Variants in IGF2BP3 observed in about 807,000 individuals in gnomAD.
IGF2BP3 encodes the protein insulin like growth factor 2 mRNA binding protein 3, also known as insulin-like growth factor 2 mRNA-binding protein 3.
In IGF2BP3, 9 loss-of-function variants were observed where a neutral mutation model predicts 73.8. The ratio of observed to expected loss-of-function variants is 0.12; its 90% confidence interval spans 0.07 to 0.21. IGF2BP3 has a LOEUF of 0.21. Ranked by LOEUF, IGF2BP3 falls within the 10% of genes least tolerant of loss-of-function variation. IGF2BP3 has a pLI of 1.00. For synonymous variants in IGF2BP3, 258 were observed against 256.7 expected (o/e 1.01, Z -0.05); for missense variants, 542 against 714.0 (o/e 0.76, Z 2.75).
intron 12 of IGF2BP3, among the ~76,000 whole-genome samples, chr7:23,315,414 C>G (rs531803027): frequency 1.2e-4 from 19 of 152,214 alleles, no homozygotes; most frequent in Admixed American, 5.2e-4. Context: ...GGCCAAGACA[C>G]TTCTGATATT....
At chr7:23,354,286 C>G (rs1388845260) in intron 5 of IGF2BP3, among the ~76,000 whole-genome samples, 1 of 152,222 alleles carries the variant, frequency 6.6e-6, no homozygotes, top group South Asian at 2.1e-4. Flanking sequence ...AGCCACCACA[C>G]CTGACCTTAA....
chr7:23,382,014 G>C (rs1785926457), intron 3 of IGF2BP3, among the ~76,000 whole-genome samples: 1 of 152,192 alleles, frequency 6.6e-6, no homozygotes. Flanking sequence ...CCAGCACCTT[G>C]GGAGGCTGAG....
chr7:23,338,854 T>G (rs1425303111), intron 10 of IGF2BP3, among the ~76,000 whole-genome samples: 2 of 152,232 alleles, frequency 1.3e-5, no homozygotes, highest in Non-Finnish European at 2.9e-5. Context: ...AACAGTAATA[T>G]ATGATTTAGG....
At chr7:23,365,430 A>G (rs1216962033) in intron 3 of IGF2BP3, among the ~76,000 whole-genome samples, 1 of 152,232 alleles carries the variant, frequency 6.6e-6, no homozygotes, top group African/African-American at 2.4e-5. Context: ...AACACCTGTG[A>G]TCTATAAACA....
intron 3 of IGF2BP3, among the ~76,000 whole-genome samples, chr7:23,418,519 G>A (rs1189659915): frequency 6.6e-6 from 1 of 152,160 alleles, no homozygotes; most frequent in Admixed American, 6.5e-5. Flanking sequence ...ATCCTGTTGG[G>A]AAGTGACTGA....
rs1045745937 is a variant in IGF2BP3, at chr7:23,415,532, G to A, written c.285+3244C>T. 21 of 265,522 alleles carry A rather than the reference G, an allele frequency of 7.9e-5. No homozygotes were observed. The East Asian group carries it at 3.0e-3, about 38-fold the overall frequency. 16.4% of individuals were successfully genotyped at this position (265,522 alleles called of 1,614,324 possible). On this transcript the variant is annotated intron_variant, in intron 3 of 14. Transcript: ENST00000258729. ...ATCACTGCATCCGCAGGTCCCGTCC[G>A]TCAGTCGGCATCACCGCATCCGCAG...
At chr7:23,324,414 T>C (rs1246156689) in intron 10 of IGF2BP3, among the ~76,000 whole-genome samples, 1 of 150,212 alleles carries the variant, frequency 6.7e-6, no homozygotes, top group East Asian at 1.9e-4. Context: ...GGAGCTGAAA[T>C]TGTGGCAATA....
chr7:23,468,567 G>T (rs534967263), intron 1 of IGF2BP3, 25 bp from the exon 2 acceptor site: 2 of 1,612,888 alleles, frequency 1.2e-6, no homozygotes, highest in Non-Finnish European at 1.7e-6. Flanking sequence ...GAAGTGAGAC[G>T]GTCGGCCGAG....
intron 6 of IGF2BP3, among the ~76,000 whole-genome samples, chr7:23,349,944 G>A (rs1784919981): frequency 6.6e-6 from 1 of 152,142 alleles, no homozygotes; most frequent in South Asian, 2.1e-4. Flanking sequence ...TTAAAGCCAG[G>A]CCGACTGACT....
At chr7:23,367,070 C>A (rs575377242) in intron 3 of IGF2BP3, among the ~76,000 whole-genome samples, 35 of 151,672 alleles carry the variant, frequency 2.3e-4, no homozygotes, top group Non-Finnish European at 4.7e-4. Flanking sequence ...CCTCCGCCTC[C>A]CAGGCTCAAG....
chr7:23,443,325 A>T (rs1010799717), intron 2 of IGF2BP3, among the ~76,000 whole-genome samples: 11 of 151,900 alleles, frequency 7.2e-5, no homozygotes, highest in Admixed American at 5.9e-4. Flanking sequence ...GGGTTTCTTC[A>T]TGTTGATCAG....
chr7:23,393,058 C>T (rs915556030), intron 3 of IGF2BP3, among the ~76,000 whole-genome samples: 9 of 152,162 alleles, frequency 5.9e-5, no homozygotes, highest in Admixed American at 5.9e-4. Flanking sequence ...GGACACTCAG[C>T]AAGTCTCATT....
In IGF2BP3 at chr7:23,410,613, T is replaced by C. The variant is rs529713045; in HGVS notation, c.285+8163A>G. 2.0e-5 allele frequency among the ~76,000 whole-genome samples: 3 copies of C among 152,302 alleles called. No homozygotes were observed. The South Asian group carries it at 6.2e-4, about 32-fold the overall frequency. On this transcript the variant is annotated intron_variant, in intron 3 of 14. Coordinates refer to ENST00000258729, the MANE Select transcript of IGF2BP3 (RefSeq NM_006547.3). ...AGTCTGGCCCATCCCAGAGCAGCCA[T>C]GCATGAAGAACTCTATGTCTACAGT...
Position 23,312,284 on chromosome 7 carries a change from G to C in IGF2BP3, c.*78C>G, listed in dbSNP as rs1783853473. On this transcript the variant is annotated 3_prime_UTR_variant, in exon 15 of 15. Transcript: ENST00000258729. ...CTTGTGCATGTGATTCTGGATAGGG[G>C]GTCAGCGCCCATCTGTTGGTTAAGC... 8 of 1,047,838 alleles carry C rather than the reference G, an allele frequency of 7.6e-6. No individual in the cohort carries two copies. Among genetic ancestry groups the C allele is most frequent in the Non-Finnish European group, 1.2e-5 (8 of 671,582 alleles). The allele number at this position is 1,047,838 out of a possible 1,614,324, so 64.9% of individuals were successfully genotyped here.
At chr7:23,398,157 G>T (rs1202373807) in intron 3 of IGF2BP3, among the ~76,000 whole-genome samples, 3 of 149,186 alleles carry the variant, frequency 2.0e-5, no homozygotes, top group Non-Finnish European at 4.4e-5. Flanking sequence ...GTGAGAACAT[G>T]CAGTGGTTGG....
At chr7:23,376,780 T>C (rs770245393) in intron 3 of IGF2BP3, among the ~76,000 whole-genome samples, 6 of 151,908 alleles carry the variant, frequency 3.9e-5, no homozygotes, top group Non-Finnish European at 7.4e-5. Flanking sequence ...AGGCAGGAGG[T>C]TGGCTTGGCC....
intron 3 of IGF2BP3, chr7:23,366,060 T>A (rs1654586517): frequency 6.6e-6 from 1 of 152,070 alleles, no homozygotes; most frequent in African/African-American, 2.4e-5. Context: ...ACTGCATATA[T>A]TCAAAACAAA....
At chr7:23,337,141 C>G in intron 10 of IGF2BP3, among the ~76,000 whole-genome samples, 1 of 152,080 alleles carries the variant, frequency 6.6e-6, no homozygotes, top group South Asian at 2.1e-4. Flanking sequence ...CAAAGCTATT[C>G]CAACTGAGTA....
rs1403575786 is a variant in IGF2BP3 at position 23,469,688 on chromosome 7, C to T, written c.175+248G>A. The stretch of plus-strand genomic sequence containing the variant: ...AGCCCCGCGCCCCCCTTAGCCAGCG[C>T]CGGGGCTTTCTTGACAGCGCGTTCG... On this transcript the variant is annotated intron_variant, in intron 1 of 14. Coordinates refer to ENST00000258729, the MANE Select transcript of IGF2BP3 (RefSeq NM_006547.3). This position sits in a 1 kb window ranked among gnomAD's most constrained non-coding sequence, Gnocchi z 6.1. Among the ~76,000 whole-genome samples the T allele has an allele frequency of 6.6e-6, 1 of 151,754 alleles. No individual in the cohort carries two copies. The highest frequency in any genetic ancestry group is 1.5e-5 in the Non-Finnish European group (1 of 67,864).
Sources: gnomAD v4.1 joint callset for allele counts (sites outside exome capture counted in the v4.1 genomes callset) on GRCh38, gnomAD v4.1.1 for gene constraint, Gnocchi (gnomAD v3.1) non-coding constraint, MANE v1.5 for transcripts, NCBI Gene and HGNC (gene_info 2026-07-23, HGNC 2026-07-21) for gene names.